The following DHRSX variants were observed in gnomAD, a reference collection of about 807,000 sequenced individuals.
DHRSX encodes dehydrogenase/reductase X-linked.
In DHRSX, 31 loss-of-function variants were observed where a neutral mutation model predicts 34.0. The ratio of observed to expected loss-of-function variants is 0.91; its 90% CI spans 0.69 to 1.23. The LOEUF (loss-of-function observed/expected upper bound fraction) is 1.23. Ranked by LOEUF, DHRSX falls within the 50% of genes most tolerant of loss-of-function variation. The pLI, the probability that DHRSX is intolerant of heterozygous loss-of-function variation, is 0.00. For missense variants in DHRSX, 414 were observed against 428.1 expected (o/e 0.97, Z 0.29); for synonymous variants, 201 against 183.8 (o/e 1.09, Z -0.76).
chrX:2,290,643 A>G (rs73185753), intron 4 of DHRSX, among the ~76,000 whole-genome samples: 57,023 of 151,964 alleles, frequency 0.38, 11,782 homozygotes, highest in Middle Eastern at 0.52. Flanking sequence ...TGTTCTATCC[A>G]CTGTATTAAT....
At chrX:2,282,825 AG>A (rs2041740502) in intron 4 of DHRSX, among the ~76,000 whole-genome samples, 1 of 116,458 alleles carries the variant, frequency 8.6e-6, no homozygotes, top group Non-Finnish European at 1.7e-5. Flanking sequence ...AGAGAGAGGG[AG>A]AGAGAGGGAG....
At chrX:2,310,518 C>T (rs1034594824) in intron 3 of DHRSX, among the ~76,000 whole-genome samples, 2 of 147,936 alleles carry the variant, frequency 1.4e-5, no homozygotes, top group South Asian at 2.2e-4. Context: ...GACGCTGCAG[C>T]GAGATTATTC....
chrX:2,491,403 TTCCTG>T (rs1353053951), intron 1 of DHRSX, among the ~76,000 whole-genome samples: 1 of 152,102 alleles, frequency 6.6e-6, no homozygotes, highest in Non-Finnish European at 1.5e-5. Flanking sequence ...GGGCTTGTTG[TTCCTG>T]TCCTAAGAGT....
chrX:2,308,458 CA>C (rs1254992136), intron 3 of DHRSX, among the ~76,000 whole-genome samples: 2 of 152,008 alleles, frequency 1.3e-5, no homozygotes, highest in Non-Finnish European at 2.9e-5. Flanking sequence ...GCCAAACAAG[CA>C]AAAACCAAGT....
intron 6 of DHRSX, among the ~76,000 whole-genome samples, chrX:2,228,682 T>C (rs2015794306): frequency 6.6e-6 from 1 of 151,972 alleles, no homozygotes; most frequent in African/African-American, 2.4e-5. Flanking sequence ...AAGGCAGATA[T>C]TGTGAATTTG....
intron 6 of DHRSX, among the ~76,000 whole-genome samples, chrX:2,222,468 G>GT (rs2015542823): frequency 6.6e-6 from 1 of 152,210 alleles, no homozygotes; most frequent in African/African-American, 2.4e-5. Flanking sequence ...AATTGCGAGA[G>GT]TTTTAGAAGC....
At chrX:2,377,778 C>T (rs1314148416) in intron 3 of DHRSX, among the ~76,000 whole-genome samples, 6 of 148,882 alleles carry the variant, frequency 4.0e-5, no homozygotes, top group Non-Finnish European at 5.9e-5. Context: ...CTTGCTCTGT[C>T]GCCAGGCTGG....
chrX:2,473,761 A>G (rs2044630076), intron 1 of DHRSX, among the ~76,000 whole-genome samples: 5 of 140,032 alleles, frequency 3.6e-5, no homozygotes, highest in Admixed American at 2.7e-4. Flanking sequence ...CTACACGAAT[A>G]TAGAGAAACA....
intron 1 of DHRSX, among the ~76,000 whole-genome samples, chrX:2,469,360 G>C (rs757763885): frequency 6.6e-6 from 1 of 150,508 alleles, no homozygotes; most frequent in East Asian, 2.0e-4. Flanking sequence ...CCCTAAAAAT[G>C]CAGCCAAGGG....
At chrX:2,475,018 C>T (rs1051122035) in intron 1 of DHRSX, among the ~76,000 whole-genome samples, 3 of 151,242 alleles carry the variant, frequency 2.0e-5, no homozygotes, top group Admixed American at 6.6e-5. Context: ...AGCATGCAGC[C>T]AAAGAACTGC....
chrX:2,378,482 G>A (rs1449632113), intron 3 of DHRSX, among the ~76,000 whole-genome samples: 1 of 152,026 alleles, frequency 6.6e-6, no homozygotes, highest in Non-Finnish European at 1.5e-5. Flanking sequence ...TGACGAGGAT[G>A]AAGACATTTA....
chrX:2,298,616 A>ACGCACACACACG (rs1556457303), intron 3 of DHRSX, among the ~76,000 whole-genome samples: 1 of 138,300 alleles, frequency 7.2e-6, no homozygotes, highest in African/African-American at 3.3e-5. Flanking sequence ...ACACACACAC[A>ACGCACACACACG]CACACACACA....
chrX:2,471,364 C>T (rs762525093), intron 1 of DHRSX, among the ~76,000 whole-genome samples: 4 of 152,236 alleles, frequency 2.6e-5, no homozygotes, highest in African/African-American at 9.6e-5. Flanking sequence ...GTCACGAGTT[C>T]GAGAGCAGCC....
At chrX:2,409,286 T>A (rs1661085645) in intron 2 of DHRSX, among the ~76,000 whole-genome samples, 1 of 152,174 alleles carries the variant, frequency 6.6e-6, no homozygotes, top group Admixed American at 6.5e-5. Context: ...TTCTTTTTTT[T>A]AATTCTACTT....
chrX:2,390,732 A>G lies in DHRSX; in HGVS notation c.286+18013T>C, dbSNP rs180978022. Among the ~76,000 whole-genome samples, 74 of 152,334 alleles carry G rather than the reference A, an allele frequency of 4.9e-4. 1 individual carries two copies. The East Asian group carries it at 0.013, about 28-fold the overall frequency. The stretch of plus-strand genomic sequence containing the variant: ...GTACCTCATAGGAGTGGAATCCTAC[A>G]GTATTTGTCCTTTGGGGATTGGTTT... On this transcript the variant is annotated intron_variant, in intron 3 of 6. Transcript: ENST00000334651.
intron 3 of DHRSX, 170 bp downstream of exon 3, chrX:2,408,575 T>C (rs1472721067): frequency 5.9e-6 from 1 of 169,548 alleles, no homozygotes; most frequent in Non-Finnish European, 1.2e-5. Flanking sequence ...CTTGACCATC[T>C]CCTGCTCTAG....
Position 2,298,616 on chromosome X carries a change from A to ACACACACACACACACACACG in DHRSX, c.287-7014_287-7013insCGTGTGTGTGTGTGTGTGTG, listed in dbSNP as rs1556457300. Among the ~76,000 whole-genome samples, 23 of 138,294 alleles carry ACACACACACACACACACACG rather than the reference A, an allele frequency of 1.7e-4. 1 individual carries two copies. The highest frequency in any genetic ancestry group is 7.7e-4 in the African/African-American group (23 of 29,898). 90.7% of individuals were successfully genotyped at this position (138,294 alleles called of 152,430 possible). ...GGCGCGTGTGTACACACACACACACACACACACACACACACACACACGAGG... is the reference window on the plus strand; with the variant it reads ...GGCGCGTGTGTACACACACACACACACACACACACACACACACACGCACACACACACACACACACACGAGG... On this transcript the variant is annotated intron_variant, in intron 3 of 6. Transcript: ENST00000334651.
chrX:2,475,648 T>G (rs772326005), intron 1 of DHRSX, among the ~76,000 whole-genome samples: 33 of 151,540 alleles, frequency 2.2e-4, no homozygotes, highest in African/African-American at 7.8e-4. Context: ...GCCAAGGGAC[T>G]GCCACCGTGT....
intron 1 of DHRSX, among the ~76,000 whole-genome samples, chrX:2,450,924 C>A (rs1445594476): frequency 6.6e-6 from 1 of 151,884 alleles, no homozygotes; most frequent in African/African-American, 2.4e-5. Context: ...GGATCAGTGT[C>A]CTTATAAAAG....
Sources: gnomAD v4.1 joint callset for allele counts (sites outside exome capture counted in the v4.1 genomes callset) on GRCh38, gnomAD v4.1.1 for gene constraint, MANE v1.5 for transcripts, NCBI Gene and HGNC (gene_info 2026-07-23, HGNC 2026-07-21) for gene names.